The following KCTD2 variants were observed in gnomAD, a reference collection of about 807,000 sequenced individuals.
The protein encoded by KCTD2 is potassium channel tetramerization domain containing 2.
KCTD2 carries 18 observed loss-of-function variants against 27.9 expected under a neutral mutation model. The ratio of observed to expected loss-of-function variants is 0.64; its 90% CI spans 0.45 to 0.96. The LOEUF is 0.96. Among genes scored for constraint, KCTD2 ranks in the 40% least tolerant of loss-of-function variants. The probability of loss-of-function intolerance (pLI) is 0.00; values close to 1 mark genes in which losing one functional copy is unlikely to be tolerated. For synonymous variants in KCTD2, 175 were observed against 148.4 expected, an observed-to-expected ratio of 1.18 and a Z score of -1.30; for missense variants, 280 against 348.0, an observed-to-expected ratio of 0.80 and a Z score of 1.56.
At chr17:75,059,468 G>C (rs2073382016) in intron 3 of KCTD2, 42 bp from the exon 4 acceptor site, 8 of 1,370,462 alleles carry the variant, frequency 5.8e-6, no homozygotes, top group Non-Finnish European at 8.1e-6. Flanking sequence ...GCAAACTGTG[G>C]TGTCCTTGGT....
In KCTD2 at chr17:75,063,295, GAACAGATCTTTAC is replaced by G. The variant is rs2073423158; in HGVS notation, c.*254_*266del. On this transcript the variant is annotated 3_prime_UTR_variant, in exon 6 of 6. Transcript: ENST00000322444. ...GCTTTCATTTGCTTAGCCAGTATTA[GAACAGATCTTTAC>G]AACAGCAGCTGGGCTGGGTTCCCAG... 1 of 544,814 alleles carries G rather than the reference GAACAGATCTTTAC, an allele frequency of 1.8e-6. No homozygotes were observed. Among genetic ancestry groups the G allele is most frequent in the African/African-American group, 1.9e-5 (1 of 52,852 alleles). 33.7% of individuals were successfully genotyped at this position (544,814 alleles called of 1,614,324 possible).
chr17:75,056,952 CTTT>C (rs35875644), intron 3 of KCTD2, among the ~76,000 whole-genome samples: 1,966 of 107,992 alleles, frequency 0.018, 32 homozygotes, highest in African/African-American at 0.068. Context: ...TTTCTTTTTT[CTTT>C]TTTTTTTTTT....
At chr17:75,046,870 G>A (rs2073225448), upstream of KCTD2, 1 of 153,008 alleles carries the variant, frequency 6.5e-6, no homozygotes, top group African/African-American at 2.4e-5. Context: ...GTTTGGAGAG[G>A]GCAGAGCAGA....
chr17:75,034,994 C>A, intron 2 of KCTD2, among the ~76,000 whole-genome samples: 1 of 152,014 alleles, frequency 6.6e-6, no homozygotes, highest in East Asian at 1.9e-4. Flanking sequence ...CGGCTGGGGC[C>A]AGAGGAAGGG....
upstream of KCTD2, among the ~76,000 whole-genome samples, chr17:75,044,930 A>T (rs2073198041): frequency 6.6e-6 from 1 of 152,180 alleles, no homozygotes; most frequent in South Asian, 2.1e-4. Context: ...GGAGGTGTTA[A>T]GGCAATTGGC....
intron 2 of KCTD2, 150 bp from the exon 3 acceptor site, chr17:75,052,863 CA>C: frequency 1.6e-6 from 1 of 629,628 alleles, no homozygotes; most frequent in South Asian, 1.8e-5. Flanking sequence ...CACTGAACTC[CA>C]GCCTGGGCGA....
rs752265375 is a variant in KCTD2, at chr17:75,059,615, T to C, written c.636+10T>C. 1.2e-5 allele frequency: 20 copies of C among 1,607,284 alleles called. No individual in the cohort carries two copies. In the East Asian group the frequency reaches 4.5e-4, roughly 36 times the overall value. ...CTGGAAATTCGAACAGGTACATCTC[T>C]TAACAGAGCAGCAATCCCAGGCCCC... On this transcript the variant is annotated intron_variant, in intron 4 of 5. Coordinates refer to ENST00000322444, the MANE Select transcript of KCTD2 (RefSeq NM_015353.3).
At chr17:75,060,601 C>G (rs1015872404) in intron 4 of KCTD2, 3 of 1,604,328 alleles carry the variant, frequency 1.9e-6, no homozygotes, top group Non-Finnish European at 2.6e-6. Context: ...CCGGCCTCCC[C>G]GCTCTGGCTC....
At chr17:75,036,629 C>G (rs2040115938) in intron 3 of KCTD2, among the ~76,000 whole-genome samples, 1 of 152,256 alleles carries the variant, frequency 6.6e-6, no homozygotes, top group African/African-American at 2.4e-5. Flanking sequence ...ATCCCAACAC[C>G]TTCACGGGGC....
At chr17:75,059,737 A>G in intron 4 of KCTD2, 132 bp downstream of exon 4, 1 of 658,306 alleles carries the variant, frequency 1.5e-6, no homozygotes, top group Non-Finnish European at 2.6e-6. Context: ...ATTCCAAAAC[A>G]TGGGCAAAGA....
At chr17:75,061,398 A>C (rs1017396621) in intron 4 of KCTD2, among the ~76,000 whole-genome samples, 11 of 152,182 alleles carry the variant, frequency 7.2e-5, no homozygotes, top group Admixed American at 1.3e-4. Flanking sequence ...TAATCTCGGC[A>C]CTTTGGGAGG....
Position 75,063,668 on chromosome 17 carries a change from G to A in KCTD2, c.*621G>A, listed in dbSNP as rs1441296674. The A allele has an allele frequency of 6.5e-6, 1 of 152,682 alleles. No homozygotes were observed. The highest frequency in any genetic ancestry group is 1.5e-5 in the Non-Finnish European group (1 of 68,380). The allele number at this position is 152,682 out of a possible 1,614,324, so 9.5% of individuals were successfully genotyped here. A position where few individuals can be genotyped will look rare whatever the true frequency, so the allele number is the denominator to read the frequency against. ...TGTCCTTTGTTGTGGTTGGAGGTTG[G>A]TGATCATTGCTCTGGATTTGGGGCT... On this transcript the variant is annotated 3_prime_UTR_variant, in exon 6 of 6. Transcript: ENST00000322444.
chr17:75,047,053 G>A (rs2073228594), upstream of KCTD2: 1 of 263,922 alleles, frequency 3.8e-6, no homozygotes, highest in South Asian at 1.7e-4. Flanking sequence ...CAATAGAGAT[G>A]AGGGCTGGTT....
intron 3 of KCTD2, among the ~76,000 whole-genome samples, chr17:75,057,804 G>T (rs1039759799): frequency 6.6e-6 from 1 of 151,210 alleles, no homozygotes; most frequent in Non-Finnish European, 1.5e-5. Context: ...CAGATGATCC[G>T]CCCACCTCGG....
intron 3 of KCTD2, among the ~76,000 whole-genome samples, chr17:75,037,247 G>A (rs1029058317): frequency 1.3e-5 from 2 of 151,826 alleles, no homozygotes; most frequent in African/African-American, 2.4e-5. Flanking sequence ...TGGAGGCTGA[G>A]GCAGGAGAAT....
At chr17:75,053,666 C>A (rs2073316633) in intron 3 of KCTD2, among the ~76,000 whole-genome samples, 1 of 151,968 alleles carries the variant, frequency 6.6e-6, no homozygotes, top group South Asian at 2.1e-4. Flanking sequence ...TGGTCTCGAA[C>A]TCCCGACCTC....
At chr17:75,035,219 T>C (rs2144903298) in intron 2 of KCTD2, 1 of 152,094 alleles carries the variant, frequency 6.6e-6, no homozygotes, top group Admixed American at 6.5e-5. Context: ...TAATCTTCCC[T>C]CCCTTGTTTT....
At chr17:75,057,687 G>A (rs948300202) in intron 3 of KCTD2, among the ~76,000 whole-genome samples, 2 of 151,372 alleles carry the variant, frequency 1.3e-5, no homozygotes, top group African/African-American at 4.9e-5. Context: ...AGCCTCCCGA[G>A]TAGCTGGGAT....
chr17:75,064,715 C>T lies in KCTD2; in HGVS notation c.*1668C>T, dbSNP rs1037910779. On this transcript the variant is annotated 3_prime_UTR_variant, in exon 6 of 6. Transcript: ENST00000322444. ...AGCTGTAAAGTGTTAGATGAACTGC[C>T]GTCCTCAGTAAAAGCAGCCACCCCT... 3.9e-5 allele frequency: 6 copies of T among 152,144 alleles called. No individual in the cohort carries two copies. Among genetic ancestry groups the T allele is most frequent in the Non-Finnish European group, 5.9e-5 (4 of 68,034 alleles). 9.4% of individuals were successfully genotyped at this position (152,144 alleles called of 1,614,324 possible). A position where few individuals can be genotyped will look rare whatever the true frequency, so the allele number is the denominator to read the frequency against.
Sources: allele counts gnomAD v4.1 joint callset (sites outside exome capture counted in the v4.1 genomes callset), GRCh38; gene constraint gnomAD v4.1.1; transcripts MANE v1.5; gene names NCBI Gene and HGNC (gene_info 2026-07-23, HGNC 2026-07-21).